OLFML1: variants seen among roughly 807,000 people sequenced by gnomAD.
The protein encoded by OLFML1 is olfactomedin-like protein 1.
Under a neutral mutation model 37.3 loss-of-function variants are expected in OLFML1, and 33 were observed. The ratio of observed to expected loss-of-function variants is 0.88; its 90% CI spans 0.67 to 1.18. OLFML1 has a LOEUF of 1.18. OLFML1 is among the 50% of genes most tolerant of loss of function. OLFML1 has a pLI of 0.00. For synonymous variants in OLFML1, 186 were observed against 181.3 expected, an observed-to-expected ratio of 1.03 and a Z score of -0.21; for missense variants, 545 against 483.7, an observed-to-expected ratio of 1.13 and a Z score of -1.19.
rs953963331 is a variant in OLFML1 at position 7,492,662 on chromosome 11, A to G, written c.418+4247A>G. On this transcript the variant is annotated intron_variant, in intron 2 of 2. Transcript: ENST00000329293. ...GAGATTATCCCCAAATGACGTCCAC[A>G]TGAGGGTTTCAACTCAGGGATGTTT... Among the ~76,000 whole-genome samples, 3 of 152,174 alleles carry G rather than the reference A, an allele frequency of 2.0e-5. No homozygotes were observed. In the East Asian group the frequency reaches 5.8e-4, roughly 29 times the overall value.
intron 2 of OLFML1, among the ~76,000 whole-genome samples, chr11:7,495,402 G>T (rs567000239): frequency 7.5e-4 from 114 of 152,158 alleles, no homozygotes; most frequent in African/African-American, 2.6e-3. Flanking sequence ...GCTCTCTTTG[G>T]TTTAAGTATG....
chr11:7,492,521 T>G (rs1466773184), intron 2 of OLFML1, among the ~76,000 whole-genome samples: 1 of 152,200 alleles, frequency 6.6e-6, no homozygotes, highest in African/African-American at 2.4e-5. Flanking sequence ...TCACTTATTT[T>G]AGGAATATTA....
chr11:7,507,050 A>C (rs1213252911), intron 2 of OLFML1, among the ~76,000 whole-genome samples: 1 of 152,186 alleles, frequency 6.6e-6, no homozygotes, highest in Non-Finnish European at 1.5e-5. Context: ...GGCATGCTCC[A>C]TGCATATAGG....
chr11:7,511,296 T>G lies in OLFML1; in HGVS notation c.*1108T>G, dbSNP rs1271072798. On this transcript the variant is annotated 3_prime_UTR_variant, in exon 3 of 3. Transcript: ENST00000329293. The stretch of plus-strand genomic sequence containing the variant: ...TGTCTTGCTGTCCTCTGTTTCTCTC[T>G]TTCTGCTTTAAATTCAATAAAAGTG... 1.3e-5 allele frequency: 2 copies of G among 152,222 alleles called. No individual in the cohort carries two copies. Among genetic ancestry groups the G allele is most frequent in the Non-Finnish European group, 2.9e-5 (2 of 68,034 alleles). 9.4% of individuals were successfully genotyped at this position (152,222 alleles called of 1,614,324 possible).
chr11:7,505,454 T>A (rs1182273298), intron 2 of OLFML1, among the ~76,000 whole-genome samples: 1 of 152,206 alleles, frequency 6.6e-6, no homozygotes, highest in African/African-American at 2.4e-5. Context: ...AGTTTCCTCA[T>A]GCTCCTAGCA....
rs984663682 is a variant in OLFML1 at position 7,510,659 on chromosome 11, A to G, written c.*471A>G. On this transcript the variant is annotated 3_prime_UTR_variant, in exon 3 of 3. Transcript: ENST00000329293. ...TCACTGCCCAACTAAAATACTATTA[A>G]TATTTCTTTCTTTTCTTTTCTTTTT... is the stretch of plus-strand genomic sequence containing the variant. The G allele has an allele frequency of 6.5e-6, 1 of 153,302 alleles. No individual in the cohort carries two copies. Among genetic ancestry groups the G allele is most frequent in the Non-Finnish European group, 1.5e-5 (1 of 68,926 alleles). 9.5% of individuals were successfully genotyped at this position (153,302 alleles called of 1,614,324 possible).
chr11:7,501,802 T>C (rs576993696), intron 2 of OLFML1, among the ~76,000 whole-genome samples: 1 of 152,360 alleles, frequency 6.6e-6, no homozygotes, highest in Admixed American at 6.5e-5. Context: ...ATATTTAGAC[T>C]TTAGAAAAAT....
At chr11:7,495,268 T>G (rs1234912135) in intron 2 of OLFML1, among the ~76,000 whole-genome samples, 1 of 152,152 alleles carries the variant, frequency 6.6e-6, no homozygotes, top group Non-Finnish European at 1.5e-5. Flanking sequence ...CAGAGTAATC[T>G]TGCCAGAGTT....
At chr11:7,490,452 T>A (rs575386956) in intron 2 of OLFML1, among the ~76,000 whole-genome samples, 1 of 152,072 alleles carries the variant, frequency 6.6e-6, no homozygotes, top group Non-Finnish European at 1.5e-5. Context: ...TGAATAGTGG[T>A]GCTGAATTGG....
chr11:7,498,307 C>T (rs1003814694), intron 2 of OLFML1, among the ~76,000 whole-genome samples: 7 of 152,130 alleles, frequency 4.6e-5, no homozygotes, highest in African/African-American at 9.7e-5. Context: ...AGGTGTATCC[C>T]GAGTTAGCAA....
At chr11:7,504,443 G>A (rs1848759333) in intron 2 of OLFML1, among the ~76,000 whole-genome samples, 2 of 152,032 alleles carry the variant, frequency 1.3e-5, no homozygotes, top group African/African-American at 4.8e-5. Flanking sequence ...AGCCAATGGA[G>A]GGTTTCAAGC....
chr11:7,509,945 C>G lies in OLFML1; in HGVS notation c.966C>G (p.Leu322=), dbSNP rs1848838896. 1 of 1,614,258 alleles carries G rather than the reference C, an allele frequency of 6.2e-7. No homozygotes were observed. The highest frequency in any genetic ancestry group is 8.5e-7 in the Non-Finnish European group (1 of 1,180,042). ...GCCAGGATGCTGAAGCCTCATTCCT[C>G]TTGTGTGGGGTTCTCTATGTGGTCT... The part of the protein sequence containing the change: ...CRSQDAEASF[L]LCGVLYVVYS... Residue 322 remains leucine (L), a synonymous_variant, in exon 3 of 3, where the codon CTC becomes CTG. Transcript: ENST00000329293.
intron 2 of OLFML1, among the ~76,000 whole-genome samples, chr11:7,497,497 A>G (rs1032573709): frequency 3.9e-5 from 6 of 152,132 alleles, no homozygotes; most frequent in Non-Finnish European, 8.8e-5. Flanking sequence ...GAAGTTGTCT[A>G]TGTTGCCTGT....
At chr11:7,490,439 G>A (rs1848581540) in intron 2 of OLFML1, among the ~76,000 whole-genome samples, 1 of 152,190 alleles carries the variant, frequency 6.6e-6, no homozygotes, top group Admixed American at 6.5e-5. Context: ...AGGACGCTAA[G>A]TCTGAATAGT....
At chr11:7,502,534 G>A (rs1489033835) in intron 2 of OLFML1, among the ~76,000 whole-genome samples, 1 of 152,118 alleles carries the variant, frequency 6.6e-6, no homozygotes, top group Non-Finnish European at 1.5e-5. Context: ...AGGGAAAAAA[G>A]AGGTAGTAGG....
intron 2 of OLFML1, among the ~76,000 whole-genome samples, chr11:7,491,505 G>A (rs949533563): frequency 1.7e-5 from 2 of 114,656 alleles, no homozygotes. Flanking sequence ...AATCACAACG[G>A]TGTGATTAGT....
intron 2 of OLFML1, among the ~76,000 whole-genome samples, chr11:7,491,789 A>AG (rs2134177217): frequency 8.9e-6 from 1 of 112,630 alleles, no homozygotes; most frequent in Non-Finnish European, 1.9e-5. Context: ...TGGTACTTGT[A>AG]GGGCTGGGAC....
Position 7,510,391 on chromosome 11 carries a change from A to G in OLFML1, c.*203A>G, listed in dbSNP as rs1167031176. 7 of 541,100 alleles carry G rather than the reference A, an allele frequency of 1.3e-5. No homozygotes were observed. In the East Asian group the frequency reaches 1.5e-4, roughly 11 times the overall value. The allele number at this position is 541,100 out of a possible 1,614,324, so 33.5% of individuals were successfully genotyped here. On this transcript the variant is annotated 3_prime_UTR_variant, in exon 3 of 3. Transcript: ENST00000329293. ...TTAGATGAGAGCATATCATCAGGAA[A>G]GTTTCAACAATGTCCATTACTCCCC...
At chr11:7,492,033 T>C (rs576280937) in intron 2 of OLFML1, among the ~76,000 whole-genome samples, 1 of 152,168 alleles carries the variant, frequency 6.6e-6, no homozygotes, top group Non-Finnish European at 1.5e-5. Flanking sequence ...TGTAATGCAA[T>C]CACAGAGTGC....
Sources: allele counts gnomAD v4.1 joint callset (sites outside exome capture counted in the v4.1 genomes callset), GRCh38; gene constraint gnomAD v4.1.1; transcripts MANE v1.5; gene names NCBI Gene and HGNC (gene_info 2026-07-23, HGNC 2026-07-21).